CBR4: variants seen among roughly 807,000 people sequenced by gnomAD.
CBR4 encodes 3-oxoacyl-[acyl-carrier-protein] reductase.
CBR4 carries 22 observed loss-of-function variants against 21.0 expected under a neutral mutation model. The ratio of observed to expected loss-of-function variants is 1.05; its 90% CI spans 0.75 to 1.50. The LOEUF is 1.50. Among genes scored for constraint, CBR4 ranks in the 40% most tolerant of loss-of-function variants. The pLI is 0.00. For synonymous variants in CBR4, 100 were observed against 104.4 expected, an observed-to-expected ratio of 0.96 and a Z score of 0.26; for missense variants, 302 against 286.3, an observed-to-expected ratio of 1.05 and a Z score of -0.40.
At chr4:168,958,951 A>AT (rs2126721233) in intron 2 of CBR4, among the ~76,000 whole-genome samples, 1 of 152,278 alleles carries the variant, frequency 6.6e-6, no homozygotes, top group East Asian at 1.9e-4. Context: ...TTTCATGTAT[A>AT]TATGTATATA....
At chr4:168,954,879 T>G (rs1763640826) in intron 2 of CBR4, among the ~76,000 whole-genome samples, 1 of 152,176 alleles carries the variant, frequency 6.6e-6, no homozygotes, top group Non-Finnish European at 1.5e-5. Context: ...CAGGAAATAT[T>G]TATTCAAGAT....
intron 2 of CBR4, among the ~76,000 whole-genome samples, chr4:168,904,492 T>C (rs1048310195): frequency 2.0e-5 from 3 of 152,220 alleles, no homozygotes; most frequent in South Asian, 2.1e-4. Context: ...AGGAGGCTGC[T>C]GGGTATCATG....
intron 4 of CBR4, among the ~76,000 whole-genome samples, chr4:169,000,925 A>G (rs1730378035): frequency 6.6e-6 from 1 of 152,148 alleles, no homozygotes. Flanking sequence ...TAAAAGGACA[A>G]AACTATCTAA....
At chr4:168,924,859 C>T in intron 2 of CBR4, 2 of 1,336,680 alleles carry the variant, frequency 1.5e-6, no homozygotes, top group Non-Finnish European at 2.2e-6. Context: ...AATTCTGTTT[C>T]TAATGATCTA....
At chr4:168,904,526 CTTT>C (rs978505817) in intron 2 of CBR4, among the ~76,000 whole-genome samples, 3 of 151,992 alleles carry the variant, frequency 2.0e-5, no homozygotes, top group Admixed American at 2.0e-4. Flanking sequence ...CCTGCAAATT[CTTT>C]TTTATTATGT....
chr4:169,009,550 CCT>C (rs767017925), intron 1 of CBR4, among the ~76,000 whole-genome samples: 2 of 152,240 alleles, frequency 1.3e-5, no homozygotes, highest in African/African-American at 4.8e-5. Context: ...TCGACCCAGC[CCT>C]GTCTCCGGGG....
At chr4:168,979,131 G>A (rs1348039787) in intron 2 of CBR4, among the ~76,000 whole-genome samples, 1 of 151,278 alleles carries the variant, frequency 6.6e-6, no homozygotes, top group African/African-American at 2.4e-5. Context: ...CCTTGGGCAG[G>A]GCCTTCAGAC....
At chr4:168,998,081 A>C (rs1332400273) in intron 4 of CBR4, among the ~76,000 whole-genome samples, 1 of 152,208 alleles carries the variant, frequency 6.6e-6, no homozygotes, top group African/African-American at 2.4e-5. Context: ...TTTGTCAACA[A>C]GATTTTCTCC....
intron 2 of CBR4, among the ~76,000 whole-genome samples, chr4:168,956,338 G>A (rs1763683143): frequency 6.6e-6 from 1 of 151,974 alleles, no homozygotes; most frequent in Non-Finnish European, 1.5e-5. Context: ...GGGTGCAGTG[G>A]CTCACACCTG....
chr4:168,956,597 C>CAAAAAAA (rs59962690), intron 2 of CBR4, among the ~76,000 whole-genome samples: 4 of 29,702 alleles, frequency 1.3e-4, no homozygotes, highest in Admixed American at 5.4e-4. Flanking sequence ...GACCCTGTCT[C>CAAAAAAA]AAAAAAAAAA....
intron 2 of CBR4, among the ~76,000 whole-genome samples, chr4:168,916,783 G>A (rs1760209449): frequency 6.8e-6 from 1 of 147,736 alleles, no homozygotes; most frequent in Admixed American, 6.9e-5. Flanking sequence ...TGGGTCTCCT[G>A]CCTCAGCCTC....
At chr4:168,972,273 G>A (rs189399162) in intron 2 of CBR4, among the ~76,000 whole-genome samples, 20 of 152,058 alleles carry the variant, frequency 1.3e-4, no homozygotes, top group African/African-American at 3.9e-4. Context: ...GCTCTTTTTC[G>A]GTTCCACATG....
At chr4:168,932,093 T>C (rs748516392) in intron 2 of CBR4, among the ~76,000 whole-genome samples, 1 of 152,138 alleles carries the variant, frequency 6.6e-6, no homozygotes, top group Non-Finnish European at 1.5e-5. Context: ...TAACACACCT[T>C]AATCATAAGG....
chr4:169,006,271 C>T (rs1374021574), intron 3 of CBR4, among the ~76,000 whole-genome samples: 1 of 151,894 alleles, frequency 6.6e-6, no homozygotes, highest in Non-Finnish European at 1.5e-5. Flanking sequence ...CCCAGCACTT[C>T]GGGAGGATCA....
At chr4:168,909,433 A>G (rs1295482162) in intron 2 of CBR4, among the ~76,000 whole-genome samples, 1 of 152,218 alleles carries the variant, frequency 6.6e-6, no homozygotes, top group Non-Finnish European at 1.5e-5. Context: ...TGTTTAATAC[A>G]GAATCACTTT....
intron 2 of CBR4, among the ~76,000 whole-genome samples, chr4:168,895,828 T>C (rs1358075202): frequency 1.3e-5 from 2 of 152,264 alleles, no homozygotes; most frequent in Admixed American, 1.3e-4. Context: ...CTCTTTATCT[T>C]CTTTCACATA....
Position 169,007,702 on chromosome 4 carries a change from GTAT to G in CBR4, c.194_196del (p.Asn65del). The stretch of plus-strand genomic sequence containing the variant: ...TAAATGTTTCTCCAGCTCTTCAAAT[GTAT>G]TTTGAACATCATGTTCTTTAGCAAC... On this transcript the variant is annotated inframe_deletion, in exon 2 of 5. Coordinates refer to ENST00000306193, the MANE Select transcript of CBR4 (RefSeq NM_032783.5). The G allele has an allele frequency of 6.3e-7, 1 of 1,589,990 alleles. No homozygotes were observed. The highest frequency in any genetic ancestry group is 1.1e-5 in the South Asian group (1 of 88,090).
chr4:168,913,297 C>T (rs1036370812), intron 2 of CBR4, among the ~76,000 whole-genome samples: 7 of 151,996 alleles, frequency 4.6e-5, no homozygotes, highest in African/African-American at 1.2e-4. Context: ...CCACCACGCC[C>T]GGCTAATTTT....
At chr4:168,961,517 G>A (rs1184770391) in intron 2 of CBR4, among the ~76,000 whole-genome samples, 2 of 152,012 alleles carry the variant, frequency 1.3e-5, no homozygotes, top group South Asian at 2.1e-4. Context: ...TTTTCTAGGT[G>A]GAAAGTCCAC....
Sources: gnomAD v4.1 joint callset for allele counts (sites outside exome capture counted in the v4.1 genomes callset) on GRCh38, gnomAD v4.1.1 for gene constraint, MANE v1.5 for transcripts, NCBI Gene and HGNC (gene_info 2026-07-23, HGNC 2026-07-21) for gene names.